The following CCDC85C variants were observed in gnomAD, a reference collection of about 807,000 sequenced individuals.
The protein encoded by CCDC85C is coiled-coil domain-containing protein 85C.
CCDC85C carries 18 observed loss-of-function variants against 38.3 expected under a neutral mutation model. The ratio of observed to expected loss-of-function variants is 0.47; its 90% CI spans 0.33 to 0.70. CCDC85C has a LOEUF of 0.70. CCDC85C is among the 30% of genes least tolerant of loss of function. The pLI, the probability that CCDC85C is intolerant of heterozygous loss-of-function variation, is 0.03. For synonymous variants in CCDC85C, 264 were observed against 293.8 expected, an observed-to-expected ratio of 0.90 and a Z score of 1.04; for missense variants, 566 against 621.2, an observed-to-expected ratio of 0.91 and a Z score of 0.94.
In CCDC85C at chr14:99,595,170, C is replaced by A. The variant is rs78708733; in HGVS notation, c.793+7997G>T. ...GTCCTGGGTCCCCACTCATCCATCA[C>A]CCCAGCTGAACCCAAGGTGCAGGCA... On this transcript the variant is annotated intron_variant, in intron 1 of 5. Coordinates refer to ENST00000380243, the MANE Select transcript of CCDC85C (RefSeq NM_001144995.2). Among the ~76,000 whole-genome samples, 1,378 of 152,330 alleles carry A rather than the reference C, an allele frequency of 9.0e-3. 25 individuals carry two copies. Among genetic ancestry groups the A allele is most frequent in the African/African-American group, 0.032 (1,318 of 41,560 alleles).
chr14:99,524,100 G>A (rs1373474765), intron 2 of CCDC85C, among the ~76,000 whole-genome samples: 2 of 148,708 alleles, frequency 1.3e-5, no homozygotes, highest in South Asian at 2.1e-4. Flanking sequence ...ACTTAAGGGC[G>A]AAAATTCCAA....
intron 1 of CCDC85C, among the ~76,000 whole-genome samples, chr14:99,539,923 G>C (rs1206615908): frequency 6.6e-6 from 1 of 152,070 alleles, no homozygotes; most frequent in Non-Finnish European, 1.5e-5. Flanking sequence ...GAGGCGGGCG[G>C]ATCACCTAAG....
rs1595339659 is a variant in CCDC85C at position 99,522,402 on chromosome 14, A to C, written c.868-162T>G. ...CCGCTTATCCATCCCCCGAGCCGGG[A>C]TCAATCGATCTTCACTCTCCCCAGC... On this transcript the variant is annotated intron_variant, in intron 2 of 5. Transcript: ENST00000380243. 4 of 558,938 alleles carry C rather than the reference A, an allele frequency of 7.2e-6. No homozygotes were observed. The East Asian group carries it at 1.2e-4, about 17-fold the overall frequency. 34.6% of individuals were successfully genotyped at this position (558,938 alleles called of 1,614,324 possible).
chr14:99,543,655 T>C (rs1897754658), intron 1 of CCDC85C, among the ~76,000 whole-genome samples: 1 of 152,058 alleles, frequency 6.6e-6, no homozygotes, highest in Non-Finnish European at 1.5e-5. Context: ...GGGCACAGCC[T>C]GAGCAAAGGC....
intron 1 of CCDC85C, among the ~76,000 whole-genome samples, chr14:99,552,477 G>T (rs1897929699): frequency 6.6e-6 from 1 of 152,236 alleles, no homozygotes; most frequent in South Asian, 2.1e-4. Flanking sequence ...TTGGGCAGGA[G>T]TGTCTCTGCC....
intron 1 of CCDC85C, among the ~76,000 whole-genome samples, chr14:99,580,561 G>A (rs1038752404): frequency 6.6e-6 from 1 of 151,868 alleles, no homozygotes; most frequent in Admixed American, 6.6e-5. Context: ...CTGGCTAATG[G>A]TGTTAAGGAA....
At position 99,588,235 on chromosome 14, in the gene CCDC85C, C is replaced by A. The variant is rs1406479301; in HGVS notation, c.793+14932G>T. Among the ~76,000 whole-genome samples the A allele has an allele frequency of 5.3e-5, 8 of 152,088 alleles. No individual in the cohort carries two copies. Among genetic ancestry groups the A allele is most frequent in the Non-Finnish European group, 4.4e-5 (3 of 68,034 alleles). On this transcript the variant is annotated intron_variant, in intron 1 of 5. Transcript: ENST00000380243. This position sits in a 1 kb window ranked among gnomAD's most constrained non-coding sequence, Gnocchi z 5.0. ...CACTACAAAGGAATGCCGAGTCCAA[C>A]CTGCTTGGGATGCAGCTGGCATGGT... is the stretch of plus-strand genomic sequence containing the variant.
chr14:99,593,947 G>GTAAT (rs1202964201), intron 1 of CCDC85C, among the ~76,000 whole-genome samples: 1 of 135,074 alleles, frequency 7.4e-6, no homozygotes, highest in Non-Finnish European at 1.5e-5. Flanking sequence ...ATATATTTTA[G>GTAAT]TAATTATTCA....
intron 1 of CCDC85C, among the ~76,000 whole-genome samples, chr14:99,567,591 G>A (rs183565997): frequency 4.6e-5 from 7 of 152,306 alleles, no homozygotes; most frequent in East Asian, 1.9e-4. Context: ...TTGGGAGGCC[G>A]AAGTGGGCAG....
intron 1 of CCDC85C, among the ~76,000 whole-genome samples, chr14:99,571,602 G>A (rs1180348087): frequency 2.6e-5 from 4 of 152,236 alleles, no homozygotes; most frequent in African/African-American, 9.6e-5. Flanking sequence ...ATCAAACACA[G>A]TCATGGATGT....
At chr14:99,600,399 C>T (rs556808483) in intron 1 of CCDC85C, among the ~76,000 whole-genome samples, 5 of 152,266 alleles carry the variant, frequency 3.3e-5, no homozygotes, top group South Asian at 2.1e-4. Flanking sequence ...CTCTGGGTAA[C>T]GGGGTTATCA....
chr14:99,542,879 G>T (rs1897739657), intron 1 of CCDC85C, among the ~76,000 whole-genome samples: 1 of 152,246 alleles, frequency 6.6e-6, no homozygotes, highest in African/African-American at 2.4e-5. Context: ...CTCTCCTTGT[G>T]TGGGTTCACC....
intron 1 of CCDC85C, among the ~76,000 whole-genome samples, chr14:99,592,691 G>C (rs1191190515): frequency 6.6e-6 from 1 of 152,234 alleles, no homozygotes; most frequent in Non-Finnish European, 1.5e-5. Context: ...TCAGCCTCTA[G>C]GGTTTATCCT....
In CCDC85C at chr14:99,501,600, G is replaced by T. The variant is rs576835489; in HGVS notation, c.*13646C>A. On this transcript the variant is annotated 3_prime_UTR_variant, in exon 6 of 6. Transcript: ENST00000380243. ...GCTTCCCGGCAGAGGGTTTCCTTCT[G>T]CCCTGCCGTGTCATGGTGTTGTGAG... 3.4e-4 allele frequency: 194 copies of T among 573,668 alleles called. No homozygotes were observed. Among genetic ancestry groups the T allele is most frequent in the African/African-American group, 3.2e-3 (167 of 52,880 alleles). The allele number at this position is 573,668 out of a possible 1,614,324, so 35.5% of individuals were successfully genotyped here. A position where few individuals can be genotyped will look rare whatever the true frequency, so the allele number is the denominator to read the frequency against.
At chr14:99,565,232 C>T (rs1898192449) in intron 1 of CCDC85C, among the ~76,000 whole-genome samples, 1 of 152,234 alleles carries the variant, frequency 6.6e-6, no homozygotes, top group African/African-American at 2.4e-5. Context: ...GCCCCTCTCA[C>T]CTTCCACAGC....
chr14:99,571,857 C>T (rs543597289), intron 1 of CCDC85C, among the ~76,000 whole-genome samples: 48 of 152,296 alleles, frequency 3.2e-4, no homozygotes, highest in Middle Eastern at 3.4e-3. Context: ...TCCCACCTGC[C>T]CCTTTTCTTC....
chr14:99,581,737 C>A (rs528728908), intron 1 of CCDC85C, among the ~76,000 whole-genome samples: 1 of 152,170 alleles, frequency 6.6e-6, no homozygotes, highest in East Asian at 1.9e-4. Flanking sequence ...TGAAAGGCCA[C>A]GAAGCAGGAT....
intron 3 of CCDC85C, among the ~76,000 whole-genome samples, chr14:99,519,922 C>T (rs115160827): frequency 0.031 from 4,668 of 152,258 alleles, 241 homozygotes; most frequent in African/African-American, 0.11. Flanking sequence ...ACGGGAGTGA[C>T]GGCCGATGGG....
Position 99,510,435 on chromosome 14 carries a change from G to A in CCDC85C, c.*4811C>T. 1.3e-6 allele frequency: 2 copies of A among 1,531,174 alleles called. No homozygotes were observed. Among genetic ancestry groups the A allele is most frequent in the Non-Finnish European group, 1.8e-6 (2 of 1,140,680 alleles). 94.8% of individuals were successfully genotyped at this position (1,531,174 alleles called of 1,614,324 possible). A position where few individuals can be genotyped will look rare whatever the true frequency, so the allele number is the denominator to read the frequency against. Reference sequence around the variant, plus strand: ...CTACGGTGCCCTGCCCCCCGCCTACGGCCCACCTGCACACCTGCCCTACCA... The same window carrying A: ...CTACGGTGCCCTGCCCCCCGCCTACAGCCCACCTGCACACCTGCCCTACCA... On this transcript the variant is annotated 3_prime_UTR_variant, in exon 6 of 6. Transcript: ENST00000380243.
Sources: allele counts gnomAD v4.1 joint callset (sites outside exome capture counted in the v4.1 genomes callset), GRCh38; gene constraint gnomAD v4.1.1; non-coding constraint Gnocchi (gnomAD v3.1); transcripts MANE v1.5; gene names NCBI Gene and HGNC (gene_info 2026-07-23, HGNC 2026-07-21).